VWA8: variants seen among roughly 807,000 people sequenced by gnomAD.
VWA8 encodes the protein von Willebrand factor A domain containing 8.
VWA8 carries 221 observed loss-of-function variants against 241.5 expected under a neutral mutation model. That is an observed-to-expected ratio of 0.91 (90% CI 0.82 to 1.02). The LOEUF is 1.02. Among genes scored for constraint, VWA8 ranks in the 50% least tolerant of loss-of-function variants. The probability of loss-of-function intolerance (pLI) is 0.00; values close to 1 mark genes in which losing one functional copy is unlikely to be tolerated. For synonymous variants in VWA8, 852 were observed against 827.1 expected (o/e 1.03, Z -0.52); for missense variants, 2,322 against 2,328.7 (o/e 1.00, Z 0.06).
chr13:41,715,581 A>G (rs1452178562), intron 26 of VWA8, among the ~76,000 whole-genome samples: 1 of 152,034 alleles, frequency 6.6e-6, no homozygotes, highest in Non-Finnish European at 1.5e-5. Flanking sequence ...TCAGACATAA[A>G]AGTTCACTTG....
intron 37 of VWA8, among the ~76,000 whole-genome samples, chr13:41,663,239 G>GT (rs1474861364): frequency 6.6e-6 from 1 of 152,030 alleles, no homozygotes; most frequent in Non-Finnish European, 1.5e-5. Flanking sequence ...AAAAAGTACT[G>GT]TTTTAAGTTT....
At chr13:41,794,011 G>A (rs1159373956) in intron 17 of VWA8, among the ~76,000 whole-genome samples, 1 of 151,660 alleles carries the variant, frequency 6.6e-6, no homozygotes, top group African/African-American at 2.4e-5. Flanking sequence ...GTCTGTTCTT[G>A]TACTAGCACT....
intron 12 of VWA8, among the ~76,000 whole-genome samples, chr13:41,840,520 A>G (rs1422803255): frequency 6.6e-6 from 1 of 152,008 alleles, no homozygotes; most frequent in African/African-American, 2.4e-5. Context: ...CACTTTGGGA[A>G]GCTAAGGTGG....
At chr13:41,876,198 G>A (rs1407121991) in intron 9 of VWA8, among the ~76,000 whole-genome samples, 1 of 151,982 alleles carries the variant, frequency 6.6e-6, no homozygotes, top group African/African-American at 2.4e-5. Context: ...ACCCTCCACA[G>A]TCTATTCACT....
At position 41,863,420 on chromosome 13, in the gene VWA8, T is replaced by A. The variant is rs1176737402; in HGVS notation, c.1425+2316A>T. Among the ~76,000 whole-genome samples, 6 of 84,426 alleles carry A rather than the reference T, an allele frequency of 7.1e-5. No homozygotes were observed. In the South Asian group the frequency reaches 1.6e-3, roughly 22 times the overall value. 55.4% of individuals were successfully genotyped at this position (84,426 alleles called of 152,430 possible). A position where few individuals can be genotyped will look rare whatever the true frequency, so the allele number is the denominator to read the frequency against. On this transcript the variant is annotated intron_variant, in intron 12 of 44. Transcript: ENST00000379310. ...TTGTGTGTGTGTGTGTGTGTGTGTG[T>A]GTGTGTGTGTGTGTATATATATATA... is the stretch of plus-strand genomic sequence containing the variant.
chr13:41,856,305 T>C (rs938612867), intron 12 of VWA8, among the ~76,000 whole-genome samples: 1 of 152,146 alleles, frequency 6.6e-6, no homozygotes, highest in African/African-American at 2.4e-5. Flanking sequence ...CACCGCACTC[T>C]AGTCTGGGTG....
chr13:41,815,301 A>G (rs1488989723), intron 16 of VWA8, among the ~76,000 whole-genome samples: 2 of 152,234 alleles, frequency 1.3e-5, no homozygotes, highest in Admixed American at 6.5e-5. Flanking sequence ...GACAGCCAGA[A>G]AGTGACCACC....
At position 41,880,132 on chromosome 13, in the gene VWA8, T is replaced by C. The variant is rs143181743; in HGVS notation, c.1080+3255A>G. 1.1e-4 allele frequency among the ~76,000 whole-genome samples: 16 copies of C among 152,336 alleles called. No homozygotes were observed. The East Asian group carries it at 3.1e-3, about 29-fold the overall frequency. ...AAAGAAAACCATGCCCCACGTATTA[T>C]AAACCACTTATGACAAAAAATGAGA... On this transcript the variant is annotated intron_variant, in intron 9 of 44. Coordinates refer to ENST00000379310, the MANE Select transcript of VWA8 (RefSeq NM_015058.2).
chr13:41,629,854 T>C (rs1199892760), intron 37 of VWA8, among the ~76,000 whole-genome samples: 1 of 152,224 alleles, frequency 6.6e-6, no homozygotes, highest in African/African-American at 2.4e-5. Flanking sequence ...CAGTTCTTCC[T>C]TGGCTTGGTG....
intron 17 of VWA8, among the ~76,000 whole-genome samples, chr13:41,806,646 T>C (rs1165854725): frequency 6.6e-6 from 1 of 152,108 alleles, no homozygotes; most frequent in Non-Finnish European, 1.5e-5. Context: ...GAGGTTGCAG[T>C]GAGCCAAGAT....
intron 42 of VWA8, among the ~76,000 whole-genome samples, chr13:41,586,865 T>C (rs1421075024): frequency 2.0e-5 from 3 of 152,154 alleles, no homozygotes; most frequent in Non-Finnish European, 2.9e-5. Context: ...GAATTCAAGG[T>C]TGTTTGCTCT....
chr13:41,653,074 A>C (rs1014195517), intron 37 of VWA8, among the ~76,000 whole-genome samples: 1 of 152,232 alleles, frequency 6.6e-6, no homozygotes, highest in African/African-American at 2.4e-5. Context: ...ACATAATACA[A>C]ATTCACTATA....
chr13:41,808,447 C>G (rs967064744), intron 17 of VWA8, among the ~76,000 whole-genome samples: 6 of 152,020 alleles, frequency 3.9e-5, no homozygotes, highest in African/African-American at 1.2e-4. Context: ...ATTGTCAGAG[C>G]AGGAGAAAGA....
intron 41 of VWA8, among the ~76,000 whole-genome samples, chr13:41,588,849 G>A (rs1177366188): frequency 6.6e-6 from 1 of 152,172 alleles, no homozygotes; most frequent in East Asian, 1.9e-4. Context: ...TATTGAGAGT[G>A]TAATGGTTTG....
chr13:41,825,565 G>A (rs1253639083), intron 14 of VWA8, among the ~76,000 whole-genome samples: 4 of 151,992 alleles, frequency 2.6e-5, no homozygotes, highest in Non-Finnish European at 5.9e-5. Flanking sequence ...GATACCCCCC[G>A]AGCATCGACC....
intron 2 of VWA8, among the ~76,000 whole-genome samples, chr13:41,919,305 A>G (rs1042599510): frequency 2.0e-5 from 3 of 152,146 alleles, no homozygotes; most frequent in African/African-American, 7.2e-5. Flanking sequence ...TCGCATCACT[A>G]CTATGGATAC....
chr13:41,926,752 C>A, intron 2 of VWA8: 1 of 540,516 alleles, frequency 1.9e-6, no homozygotes, highest in South Asian at 1.4e-5. Flanking sequence ...CCCCACCCTT[C>A]CAGAGAATCA....
chr13:41,900,342 T>C (rs1016234964), intron 4 of VWA8, among the ~76,000 whole-genome samples: 3 of 152,184 alleles, frequency 2.0e-5, no homozygotes, highest in African/African-American at 4.8e-5. Context: ...AAAGTAGAAA[T>C]TAGACCATCT....
At chr13:41,937,378 G>A (rs1256869861) in intron 2 of VWA8, among the ~76,000 whole-genome samples, 5 of 152,166 alleles carry the variant, frequency 3.3e-5, no homozygotes, top group Admixed American at 3.3e-4. Flanking sequence ...CCCATCTGGG[G>A]GTGATGGGAG....
Sources: gnomAD v4.1 joint callset for allele counts (sites outside exome capture counted in the v4.1 genomes callset) on GRCh38, gnomAD v4.1.1 for gene constraint, MANE v1.5 for transcripts, NCBI Gene and HGNC (gene_info 2026-07-23, HGNC 2026-07-21) for gene names.